Variants in PHF8 observed in about 807,000 individuals in gnomAD.
PHF8 encodes PHD finger protein 8.
PHF8 carries 9 observed loss-of-function variants against 74.4 expected under a neutral mutation model. The ratio of observed to expected loss-of-function variants is 0.12; its 90% CI spans 0.07 to 0.21. PHF8 has a LOEUF of 0.21. Ranked by LOEUF, PHF8 falls within the 10% of genes least tolerant of loss-of-function variation. The pLI is 1.00. For missense variants in PHF8, 478 were observed against 816.6 expected (o/e 0.59, Z 5.05); for synonymous variants, 311 against 316.6 (o/e 0.98, Z 0.19).
chrX:54,045,639 G>C (rs1191472969), upstream of PHF8, among the ~76,000 whole-genome samples: 1 of 112,839 alleles, frequency 8.9e-6, no homozygotes, highest in East Asian at 2.8e-4. Context: ...CTGTAAGAAA[G>C]ACGGCAGGGG....
intron 15 of PHF8, 37 bp downstream of exon 15, chrX:53,987,729 A>C: frequency 3.6e-6 from 4 of 1,110,893 alleles, no homozygotes; most frequent in Non-Finnish European, 4.9e-6. Flanking sequence ...AAACAAAAAA[A>C]CGGGCAGGGG....
Position 53,940,221 on chromosome X carries a change from C to T in PHF8, c.2945G>A (p.Arg982Gln), listed in dbSNP as rs781873999. 17 of 1,190,251 alleles carry T rather than the reference C, an allele frequency of 1.4e-5. No homozygotes were observed. The highest frequency in any genetic ancestry group is 7.4e-5 in the South Asian group (4 of 54,220). The part of the protein sequence containing the change: ...PMAPGVFLTQ[R>Q]RPSVGSQSNQ... Reference sequence around the variant, plus strand: ...GCTCTGGGAGCCAACTGAAGGGCGCCGCTGGGTCAAGAAGACACCGGGGGC... The same window carrying T: ...GCTCTGGGAGCCAACTGAAGGGCGCTGCTGGGTCAAGAAGACACCGGGGGC... Residue 982 changes from arginine (R) to glutamine (Q), a missense_variant, in exon 21 of 22, where the codon CGG becomes CAG. Physicochemically the swap from Arg to Gln is conservative, Grantham distance 43. This residue lies in a region of PHF8 where 75 missense variants were observed against 93.3 expected (regional missense o/e 0.80). Coordinates refer to ENST00000338154, the MANE Select transcript of PHF8 (RefSeq NM_015107.3).
rs930729890 is a variant in PHF8 at position 53,964,289 on chromosome X, G to A, written c.2444-1350C>T. On this transcript the variant is annotated intron_variant, in intron 18 of 21. Transcript: ENST00000338154. Reference sequence around the variant, plus strand: ...AGGAGAAATACCTAATGTAGATGACGGGTTGATGGGTGCAGCAAACCACTA... The same window carrying A: ...AGGAGAAATACCTAATGTAGATGACAGGTTGATGGGTGCAGCAAACCACTA... Among the ~76,000 whole-genome samples, 22 of 110,948 alleles carry A rather than the reference G, an allele frequency of 2.0e-4. No homozygotes were observed. The South Asian group carries it at 2.7e-3, about 13-fold the overall frequency.
chrX:53,966,238 G>T (rs369677256), intron 18 of PHF8, among the ~76,000 whole-genome samples: 2 of 110,561 alleles, frequency 1.8e-5, no homozygotes, highest in African/African-American at 6.6e-5. Context: ...CTCTCCCCAC[G>T]GTCTCCCTCT....
chrX:54,016,638 C>G lies in PHF8; in HGVS notation c.553G>C (p.Glu185Gln), dbSNP rs1557108272. 2 of 1,199,986 alleles carry G rather than the reference C, an allele frequency of 1.7e-6. No homozygotes were observed. The highest frequency in any genetic ancestry group is 3.5e-5 in the African/African-American group (2 of 56,763). Residue 185 changes from glutamate (E) to glutamine (Q), a missense_variant, in exon 6 of 22, where the codon GAG (glutamate) becomes CAG (glutamine). Around this residue, in one of 9 missense-constraint regions of PHF8, gnomAD observed 70 missense variants for 234.1 expected, o/e 0.30. Transcript: ENST00000338154. ...AAACTAATGACATTGAGGACTTTCT[C>G]CCTCTTCCCGCTGTAATAGTATTTC... Reference protein sequence around the residue: ...FVKYYYSGKREKVLNVISLEF... With the variant: ...FVKYYYSGKRQKVLNVISLEF...
chrX:53,991,535 G>A (rs1303127254), intron 14 of PHF8, among the ~76,000 whole-genome samples: 1 of 109,493 alleles, frequency 9.1e-6, no homozygotes, highest in Admixed American at 9.8e-5. Context: ...AGTGGCATGC[G>A]CCTGCAGTCC....
chrX:53,943,252 T>G, intron 20 of PHF8: 2 of 955,902 alleles, frequency 2.1e-6, no homozygotes, highest in Non-Finnish European at 2.8e-6. Context: ...AAACACTATT[T>G]AAATAGGATG....
chrX:54,005,674 T>C (rs1603331955), intron 8 of PHF8, among the ~76,000 whole-genome samples: 1 of 90,619 alleles, frequency 1.1e-5, no homozygotes, highest in African/African-American at 4.1e-5. Flanking sequence ...ACATTATCTA[T>C]AGGGGAAAAA....
chrX:53,942,015 T>C (rs190345987), intron 20 of PHF8, among the ~76,000 whole-genome samples: 59 of 112,023 alleles, frequency 5.3e-4, no homozygotes, highest in African/African-American at 1.8e-3. Context: ...TCTTCATATC[T>C]AGATCACTAG....
At chrX:54,002,368 C>A (rs375378874) in intron 9 of PHF8, 107 bp from the exon 10 acceptor site, 14 of 582,720 alleles carry the variant, frequency 2.4e-5, no homozygotes, top group African/African-American at 1.6e-4. Context: ...CTCAAAATGA[C>A]TCTGCAAGAT....
At chrX:54,011,419 C>CA in intron 7 of PHF8, 135 bp from the exon 8 acceptor site, 2 of 517,723 alleles carry the variant, frequency 3.9e-6, no homozygotes, top group Middle Eastern at 3.7e-4. Flanking sequence ...CAAACCCATC[C>CA]AATTATCATT....
intron 20 of PHF8, among the ~76,000 whole-genome samples, chrX:53,943,869 A>G (rs1412364405): frequency 1.8e-5 from 2 of 112,047 alleles, no homozygotes; most frequent in Non-Finnish European, 3.8e-5. Context: ...TTACACACCA[A>G]AAAAGGTAAG....
At chrX:54,025,717 T>C (rs1285683615) in intron 2 of PHF8, among the ~76,000 whole-genome samples, 1 of 111,673 alleles carries the variant, frequency 9.0e-6, no homozygotes, top group East Asian at 2.8e-4. Flanking sequence ...GCAACTGCTG[T>C]ACCTCTGGAA....
chrX:53,944,018 G>A, intron 20 of PHF8, 116 bp downstream of exon 20: 2 of 515,047 alleles, frequency 3.9e-6, no homozygotes, highest in Non-Finnish European at 6.9e-6. Flanking sequence ...AAGATCAAAG[G>A]TTACTCAATC....
chrX:53,959,630 G>A (rs998650183), intron 19 of PHF8, among the ~76,000 whole-genome samples: 3 of 110,073 alleles, frequency 2.7e-5, no homozygotes, highest in Non-Finnish European at 5.7e-5. Context: ...GGGAGGCCGA[G>A]GCAGATGGAT....
At chrX:54,019,787 CAAAAAAAAAAAA>C (rs781792263) in intron 4 of PHF8, among the ~76,000 whole-genome samples, 2 of 27,752 alleles carry the variant, frequency 7.2e-5, no homozygotes, top group Admixed American at 4.4e-4. Flanking sequence ...GACACCGCCT[CAAAAAAAAAAAA>C]AAAAAAAAGA....
intron 2 of PHF8, among the ~76,000 whole-genome samples, chrX:54,039,192 A>T (rs190877713): frequency 9.1e-6 from 1 of 110,139 alleles, no homozygotes; most frequent in African/African-American, 3.3e-5. Flanking sequence ...TATCACCTCT[A>T]GGTATCTGTG....
intron 19 of PHF8, among the ~76,000 whole-genome samples, chrX:53,948,522 C>T (rs2064867845): frequency 9.0e-6 from 1 of 110,793 alleles, no homozygotes; most frequent in South Asian, 3.9e-4. Flanking sequence ...ATCCACCTGC[C>T]TCGGTGTCCC....
At chrX:53,990,560 C>G (rs1348667347) in intron 14 of PHF8, among the ~76,000 whole-genome samples, 1 of 111,386 alleles carries the variant, frequency 9.0e-6, no homozygotes, top group East Asian at 2.8e-4. Flanking sequence ...AGGCAATATT[C>G]AACGGTCTCT....
Sources: gnomAD v4.1 joint callset for allele counts (sites outside exome capture counted in the v4.1 genomes callset) on GRCh38, gnomAD v4.1.1 for gene constraint, gnomAD v4.1.1 regional missense constraint, MANE v1.5 for transcripts, NCBI Gene and HGNC (gene_info 2026-07-23, HGNC 2026-07-21) for gene names.